EBF1: variants seen among roughly 807,000 people sequenced by gnomAD.
EBF1 encodes transcription factor COE1.
In EBF1, 10 loss-of-function variants were observed where a neutral mutation model predicts 68.4. That is an observed-to-expected ratio of 0.15 (90% confidence interval 0.09 to 0.25). The LOEUF (loss-of-function observed/expected upper bound fraction) is 0.25. Ranked by LOEUF, EBF1 falls within the 10% of genes least tolerant of loss-of-function variation. The pLI is 1.00. For synonymous variants in EBF1, 298 were observed against 299.8 expected, an observed-to-expected ratio of 0.99 and a Z score of 0.06; for missense variants, 509 against 794.4, an observed-to-expected ratio of 0.64 and a Z score of 4.32.
chr5:158,903,853 T>C (rs1803974973), intron 6 of EBF1, among the ~76,000 whole-genome samples: 1 of 152,154 alleles, frequency 6.6e-6, no homozygotes, highest in Admixed American at 6.5e-5. Flanking sequence ...TCCACACTCT[T>C]CTGCTTATAT....
chr5:158,941,548 A>G (rs1813398765), intron 6 of EBF1, among the ~76,000 whole-genome samples: 1 of 152,212 alleles, frequency 6.6e-6, no homozygotes, highest in Admixed American at 6.5e-5. Flanking sequence ...TCTTCCAAGG[A>G]TCCAAAGATC....
In EBF1 at chr5:158,840,645, G is replaced by GTTTTTTTTTTTTTTTTTTTTTTTTT. The variant is rs534374216; in HGVS notation, c.555-560_555-536dup. Among the ~76,000 whole-genome samples the GTTTTTTTTTTTTTTTTTTTTTTTTT allele has an allele frequency of 1.2e-4, 8 of 64,778 alleles. 1 individual carries two copies. Among genetic ancestry groups the GTTTTTTTTTTTTTTTTTTTTTTTTT allele is most frequent in the Admixed American group, 5.1e-4 (2 of 3,922 alleles). 42.5% of individuals were successfully genotyped at this position (64,778 alleles called of 152,430 possible). A position where few individuals can be genotyped will look rare whatever the true frequency, so the allele number is the denominator to read the frequency against. On this transcript the variant is annotated intron_variant, in intron 6 of 15. Coordinates refer to ENST00000313708, the MANE Select transcript of EBF1 (RefSeq NM_024007.5). ...TCCTTTGACTTCTCAAATACCTCCT[G>GTTTTTTTTTTTTTTTTTTTTTTTTT]TTTTTTTTTTTTTTTTTTTTTTTTT...
chr5:158,851,204 G>A (rs1378267719), intron 6 of EBF1, among the ~76,000 whole-genome samples: 6 of 151,082 alleles, frequency 4.0e-5, no homozygotes, highest in East Asian at 2.0e-4. Flanking sequence ...GTGAAACCTC[G>A]TCTCTACCAA....
chr5:158,826,809 G>C (rs1397541547), intron 7 of EBF1, among the ~76,000 whole-genome samples: 1 of 152,122 alleles, frequency 6.6e-6, no homozygotes, highest in African/African-American at 2.4e-5. Flanking sequence ...ATTTTACACT[G>C]ATGTTTTCAA....
intron 6 of EBF1, among the ~76,000 whole-genome samples, chr5:158,959,067 T>A (rs1583474654): frequency 6.6e-6 from 1 of 152,294 alleles, no homozygotes; most frequent in African/African-American, 2.4e-5. Context: ...GAGGAGGGAT[T>A]ATTTAAAGGA....
chr5:158,851,487 G>A (rs1792670811), intron 6 of EBF1, among the ~76,000 whole-genome samples: 2 of 85,676 alleles, frequency 2.3e-5, no homozygotes, highest in Admixed American at 1.2e-4. Context: ...AAGGGAAGGG[G>A]AGGAAAGAAG....
chr5:159,054,101 G>A (rs1016610683), intron 6 of EBF1, among the ~76,000 whole-genome samples: 5 of 152,174 alleles, frequency 3.3e-5, no homozygotes, highest in Admixed American at 2.6e-4. Flanking sequence ...GAGACATATG[G>A]ATTTCTTTTA....
At chr5:158,918,963 G>C (rs1343973968) in intron 6 of EBF1, among the ~76,000 whole-genome samples, 8 of 152,214 alleles carry the variant, frequency 5.3e-5, no homozygotes, top group African/African-American at 1.9e-4. Flanking sequence ...TTTCAACTAA[G>C]GCATTCATTA....
rs530282252 is a variant in EBF1, at chr5:159,083,296, G to T, written c.485+1370C>A. On this transcript the variant is annotated intron_variant, in intron 5 of 15. Transcript: ENST00000313708. The stretch of plus-strand genomic sequence containing the variant: ...ATGAATTTTACTCACAATTCTGAAA[G>T]GTGCAACTCAGCTTTATTGTAGAAT... Among the ~76,000 whole-genome samples the T allele has an allele frequency of 3.9e-5, 6 of 152,234 alleles. No homozygotes were observed. The East Asian group carries it at 1.2e-3, about 29-fold the overall frequency.
intron 4 of EBF1, among the ~76,000 whole-genome samples, chr5:159,089,978 T>A (rs1352025063): frequency 6.6e-6 from 1 of 152,000 alleles, no homozygotes; most frequent in East Asian, 1.9e-4. Context: ...ATCAAAACTG[T>A]ACCTTGAAAA....
chr5:158,822,267 C>CGGAT (rs958054113), intron 8 of EBF1, among the ~76,000 whole-genome samples: 8,004 of 56,838 alleles, frequency 0.14, 393 homozygotes, highest in East Asian at 0.41. Flanking sequence ...GACGGATGGA[C>CGGAT]GGATGGATGG....
rs148629320 is a variant in EBF1 at position 158,992,917 on chromosome 5, C to CTTTT, written c.554+80475_554+80478dup. Among the ~76,000 whole-genome samples, 213 of 72,864 alleles carry CTTTT rather than the reference C, an allele frequency of 2.9e-3. No homozygotes were observed. In the East Asian group the frequency reaches 0.031, roughly 11 times the overall value. The allele number at this position is 72,864 out of a possible 152,430, so 47.8% of individuals were successfully genotyped here. On this transcript the variant is annotated intron_variant, in intron 6 of 15. Coordinates refer to ENST00000313708, the MANE Select transcript of EBF1 (RefSeq NM_024007.5). The stretch of plus-strand genomic sequence containing the variant: ...ATATTAAGAGCCCTGCTGTTTCTTT[C>CTTTT]TTTTTTTTTTTTTTTTTTTTTTTTT...
chr5:158,851,312 T>C (rs1252559586), intron 6 of EBF1, among the ~76,000 whole-genome samples: 1 of 139,126 alleles, frequency 7.2e-6, no homozygotes, highest in South Asian at 2.3e-4. Context: ...GAGGTAGAAG[T>C]TGCAATGAGC....
intron 10 of EBF1, among the ~76,000 whole-genome samples, chr5:158,751,960 C>T (rs1464063152): frequency 6.6e-6 from 1 of 151,768 alleles, no homozygotes; most frequent in African/African-American, 2.4e-5. Context: ...AAAGATCTGT[C>T]CATCCATACA....
rs144628837 is a variant in EBF1 at position 158,854,010 on chromosome 5, A to G, written c.555-13900T>C. Among the ~76,000 whole-genome samples, 346 of 152,132 alleles carry G rather than the reference A, an allele frequency of 2.3e-3. 3 individuals carry two copies. The highest frequency in any genetic ancestry group is 8.0e-3 in the African/African-American group (333 of 41,514). On this transcript the variant is annotated intron_variant, in intron 6 of 15. Transcript: ENST00000313708. ...AGCTTGACTCTTCTCCAGCCGACTG[A>G]CTCCACAGGGCAATATGGGTACAGT...
chr5:158,917,019 G>A (rs1272609558), intron 6 of EBF1, among the ~76,000 whole-genome samples: 2 of 152,154 alleles, frequency 1.3e-5, no homozygotes, highest in African/African-American at 4.8e-5. Context: ...ACCAAGGACA[G>A]GGTAAGGCTC....
intron 6 of EBF1, among the ~76,000 whole-genome samples, chr5:159,046,444 A>G (rs182543666): frequency 2.0e-4 from 30 of 152,336 alleles, no homozygotes; most frequent in South Asian, 1.9e-3. Context: ...CTGTAACATA[A>G]GCGGAATGTG....
At chr5:159,090,269 G>T (rs1440650465) in intron 4 of EBF1, among the ~76,000 whole-genome samples, 1 of 134,000 alleles carries the variant, frequency 7.5e-6, no homozygotes, top group African/African-American at 2.8e-5. Context: ...AAAAAAAAAA[G>T]GTGCTAGCTA....
intron 6 of EBF1, among the ~76,000 whole-genome samples, chr5:158,934,886 G>T (rs1379282928): frequency 6.6e-6 from 1 of 152,154 alleles, no homozygotes; most frequent in South Asian, 2.1e-4. Context: ...TGCACTCATT[G>T]CAAGTCTACA....
Sources: gnomAD v4.1 joint callset for allele counts (sites outside exome capture counted in the v4.1 genomes callset) on GRCh38, gnomAD v4.1.1 for gene constraint, MANE v1.5 for transcripts, NCBI Gene and HGNC (gene_info 2026-07-23, HGNC 2026-07-21) for gene names.